DMRT1: variants seen among roughly 807,000 people sequenced by gnomAD.
The protein encoded by DMRT1 is doublesex- and mab-3-related transcription factor 1.
DMRT1 carries 7 observed loss-of-function variants against 32.3 expected under a neutral mutation model. The ratio of observed to expected loss-of-function variants is 0.22; its 90% CI spans 0.12 to 0.41. DMRT1 has a LOEUF of 0.41. DMRT1 is among the 10% of genes least tolerant of loss of function. The pLI is 1.00. For missense variants in DMRT1, 625 were observed against 500.5 expected (o/e 1.25, Z -2.37); for synonymous variants, 278 against 206.1 (o/e 1.35, Z -2.99).
At chr9:962,921 C>T (rs942249255) in intron 4 of DMRT1, among the ~76,000 whole-genome samples, 1 of 152,096 alleles carries the variant, frequency 6.6e-6, no homozygotes, top group Non-Finnish European at 1.5e-5. Flanking sequence ...CTCCCCCAAC[C>T]TCTGACATGC....
At chr9:899,273 G>A (rs557411104) in intron 3 of DMRT1, among the ~76,000 whole-genome samples, 44 of 151,376 alleles carry the variant, frequency 2.9e-4, no homozygotes, top group African/African-American at 8.5e-4. Flanking sequence ...AGTGGAGATC[G>A]TCATAACTTT....
At chr9:859,652 C>A (rs1815567175) in intron 2 of DMRT1, among the ~76,000 whole-genome samples, 1 of 152,216 alleles carries the variant, frequency 6.6e-6, no homozygotes, top group African/African-American at 2.4e-5. Flanking sequence ...CCAAATTACA[C>A]TTCAAACCAA....
chr9:854,797 A>C (rs1316162075), intron 2 of DMRT1, among the ~76,000 whole-genome samples: 1 of 120,636 alleles, frequency 8.3e-6, no homozygotes, highest in Non-Finnish European at 1.8e-5. Context: ...ACAGAGTCTC[A>C]CTCTGTCACC....
At chr9:879,935 G>A (rs4742527) in intron 2 of DMRT1, among the ~76,000 whole-genome samples, 113,919 of 152,128 alleles carry the variant, frequency 0.75, 42,820 homozygotes, top group East Asian at 0.87. Context: ...TAATACTACT[G>A]CTGATCTTGT....
intron 4 of DMRT1, among the ~76,000 whole-genome samples, chr9:924,775 C>A (rs1818467692): frequency 6.6e-6 from 1 of 152,176 alleles, no homozygotes; most frequent in Non-Finnish European, 1.5e-5. Context: ...GTAAAACACA[C>A]CAGTGCTTTT....
intron 3 of DMRT1, among the ~76,000 whole-genome samples, chr9:902,221 T>C (rs1044280947): frequency 6.6e-6 from 1 of 151,898 alleles, no homozygotes; most frequent in African/African-American, 2.4e-5. Flanking sequence ...TTTTCAACTT[T>C]TTAAAACATA....
At chr9:864,665 ATT>A (rs5895868) in intron 2 of DMRT1, among the ~76,000 whole-genome samples, 7 of 150,908 alleles carry the variant, frequency 4.6e-5, no homozygotes, top group Non-Finnish European at 1.5e-5. Flanking sequence ...CGCCTGGCTA[ATT>A]TTTTTTGTAT....
chr9:863,752 A>G (rs1457127980), intron 2 of DMRT1, among the ~76,000 whole-genome samples: 1 of 152,232 alleles, frequency 6.6e-6, no homozygotes, highest in Non-Finnish European at 1.5e-5. Flanking sequence ...AACACAGTGA[A>G]AGATGACTAA....
At chr9:906,354 C>T (rs891458591) in intron 3 of DMRT1, among the ~76,000 whole-genome samples, 1 of 152,244 alleles carries the variant, frequency 6.6e-6, no homozygotes, top group African/African-American at 2.4e-5. Flanking sequence ...ATAAGACACC[C>T]TTCACACTGC....
At chr9:918,337 A>G (rs1397516122) in intron 4 of DMRT1, among the ~76,000 whole-genome samples, 2 of 152,256 alleles carry the variant, frequency 1.3e-5, no homozygotes, top group Non-Finnish European at 2.9e-5. Flanking sequence ...TACACCAGGA[A>G]TAATGGAATA....
At chr9:962,481 C>T (rs781600811) in intron 4 of DMRT1, among the ~76,000 whole-genome samples, 10 of 151,280 alleles carry the variant, frequency 6.6e-5, no homozygotes, top group Non-Finnish European at 1.3e-4. Context: ...TGGTGACCTC[C>T]TCCATGAAAC....
chr9:905,287 A>G (rs922295750), intron 3 of DMRT1, among the ~76,000 whole-genome samples: 1 of 152,152 alleles, frequency 6.6e-6, no homozygotes, highest in African/African-American at 2.4e-5. Context: ...TCATACATAG[A>G]CTGAGGAACA....
intron 3 of DMRT1, among the ~76,000 whole-genome samples, chr9:910,962 T>C (rs78120228): frequency 0.036 from 5,517 of 152,258 alleles, 307 homozygotes; most frequent in East Asian, 0.17. Flanking sequence ...GAGAAAAATA[T>C]ATATCCCTTT....
intron 1 of DMRT1, chr9:842,907 T>C (rs2132533998): frequency 6.6e-6 from 1 of 152,238 alleles, no homozygotes; most frequent in African/African-American, 2.4e-5. Context: ...ATTGGGAGGG[T>C]TTATTGCGCT....
intron 4 of DMRT1, among the ~76,000 whole-genome samples, chr9:923,630 C>G (rs1189422560): frequency 6.6e-6 from 1 of 152,098 alleles, no homozygotes; most frequent in Non-Finnish European, 1.5e-5. Flanking sequence ...GAGAACGATG[C>G]CTTTGAAATG....
In DMRT1 at chr9:944,184, C is replaced by T. The variant is rs118016068; in HGVS notation, c.968-23801C>T. On this transcript the variant is annotated intron_variant, in intron 4 of 4. Coordinates refer to ENST00000382276, the MANE Select transcript of DMRT1 (RefSeq NM_021951.3). ...TTTCTAAAGGGCTTAACACTGCACC[C>T]GGCACATGAGTGGTGTTCACTAATT... is the stretch of plus-strand genomic sequence containing the variant. Among the ~76,000 whole-genome samples the T allele has an allele frequency of 9.2e-5, 14 of 152,304 alleles. No individual in the cohort carries two copies. In the East Asian group the frequency reaches 2.1e-3, roughly 23 times the overall value.
At chr9:867,529 A>G (rs1279247717) in intron 2 of DMRT1, among the ~76,000 whole-genome samples, 4 of 152,156 alleles carry the variant, frequency 2.6e-5, no homozygotes, top group Non-Finnish European at 5.9e-5. Flanking sequence ...TTTGTTATTT[A>G]TATTTTCATT....
chr9:880,724 CAAAAAAAAAAA>C (rs754419367), intron 2 of DMRT1, among the ~76,000 whole-genome samples: 9 of 62,078 alleles, frequency 1.4e-4, no homozygotes, highest in Non-Finnish European at 2.5e-4. Flanking sequence ...AACTCAGTCT[CAAAAAAAAAAA>C]AAAAAAAAGA....
chr9:954,816 A>G (rs1819545050), intron 4 of DMRT1, among the ~76,000 whole-genome samples: 1 of 151,392 alleles, frequency 6.6e-6, no homozygotes, highest in Admixed American at 6.6e-5. Context: ...TAATTTTTGT[A>G]TTTTTAGTAG....
Sources: allele counts gnomAD v4.1 joint callset (sites outside exome capture counted in the v4.1 genomes callset), GRCh38; gene constraint gnomAD v4.1.1; transcripts MANE v1.5; gene names NCBI Gene and HGNC (gene_info 2026-07-23, HGNC 2026-07-21).